THSD7A: variants seen among roughly 807,000 people sequenced by gnomAD.
The protein encoded by THSD7A is thrombospondin type 1 domain containing 7A, also known as thrombospondin type-1 domain-containing protein 7A.
In THSD7A, 96 loss-of-function variants were observed where a neutral mutation model predicts 231.3. The observed-to-expected ratio is 0.41, with a 90% CI of 0.35 to 0.49. THSD7A has a LOEUF of 0.49. Among genes scored for constraint, THSD7A ranks in the 20% least tolerant of loss-of-function variants. The pLI, the probability that THSD7A is intolerant of heterozygous loss-of-function variation, is 0.05. For missense variants in THSD7A, 2,290 were observed against 2,070.2 expected (o/e 1.11, Z -2.06); for synonymous variants, 940 against 743.3 (o/e 1.26, Z -4.30).
At chr7:11,738,731 G>C (rs755209274) in intron 1 of THSD7A, among the ~76,000 whole-genome samples, 88 of 152,080 alleles carry the variant, frequency 5.8e-4, no homozygotes, top group Admixed American at 1.6e-3. Context: ...TATGCCACTG[G>C]CCTTGAAGAT....
At chr7:11,791,036 G>C (rs1783936102) in intron 1 of THSD7A, among the ~76,000 whole-genome samples, 2 of 151,880 alleles carry the variant, frequency 1.3e-5, no homozygotes, top group Admixed American at 1.3e-4. Flanking sequence ...AGAAAGGTTG[G>C]AAGTCAAGCC....
intron 1 of THSD7A, among the ~76,000 whole-genome samples, chr7:11,656,620 C>A (rs1782718673): frequency 6.6e-6 from 1 of 151,804 alleles, no homozygotes; most frequent in Non-Finnish European, 1.5e-5. Flanking sequence ...AGAATTAGTA[C>A]CTACGGCTCA....
chr7:11,375,688 A>G lies in THSD7A; in HGVS notation c.*106T>C. 1.1e-6 allele frequency: 1 copy of G among 944,006 alleles called. No individual in the cohort carries two copies. The allele number at this position is 944,006 out of a possible 1,614,324, so 58.5% of individuals were successfully genotyped here. On this transcript the variant is annotated 3_prime_UTR_variant, in exon 28 of 28. Transcript: ENST00000423059. ...TGTCTTTATGATGCCATTTTTAAAA[A>G]TTAAAATATATTTTAATCCACACAG...
At chr7:11,651,098 A>G (rs951510324) in intron 1 of THSD7A, among the ~76,000 whole-genome samples, 5 of 152,052 alleles carry the variant, frequency 3.3e-5, no homozygotes, top group African/African-American at 1.2e-4. Flanking sequence ...ATACAATGGG[A>G]TATTATTTAG....
chr7:11,770,283 A>C (rs1244774084), intron 1 of THSD7A, among the ~76,000 whole-genome samples: 2 of 152,136 alleles, frequency 1.3e-5, no homozygotes, highest in Non-Finnish European at 2.9e-5. Context: ...CAGAAGCCAA[A>C]CCAAATATTT....
At chr7:11,607,855 C>T (rs2681053) in intron 2 of THSD7A, among the ~76,000 whole-genome samples, 68,914 of 151,830 alleles carry the variant, frequency 0.45, 16,115 homozygotes, top group East Asian at 0.56. Context: ...CATTGCCAAA[C>T]GGTGTCACCT....
intron 23 of THSD7A, among the ~76,000 whole-genome samples, chr7:11,391,886 A>G (rs1035314425): frequency 5.3e-5 from 8 of 152,148 alleles, no homozygotes; most frequent in Admixed American, 2.0e-4. Flanking sequence ...AGGTGAGGCA[A>G]TGCCCCACTT....
chr7:11,819,897 A>G (rs1296120733), intron 1 of THSD7A, among the ~76,000 whole-genome samples: 1 of 152,180 alleles, frequency 6.6e-6, no homozygotes, highest in Non-Finnish European at 1.5e-5. Context: ...ATAGTAGAAG[A>G]AAATAGTGGG....
intron 4 of THSD7A, among the ~76,000 whole-genome samples, chr7:11,569,417 A>G (rs537123164): frequency 5.9e-5 from 9 of 152,308 alleles, no homozygotes; most frequent in Non-Finnish European, 1.0e-4. Context: ...CAACAGATAC[A>G]TGAAAAAAAT....
At chr7:11,724,900 A>C (rs753294338) in intron 1 of THSD7A, among the ~76,000 whole-genome samples, 2 of 151,836 alleles carry the variant, frequency 1.3e-5, no homozygotes, top group African/African-American at 4.8e-5. Context: ...GTTTCTCCCA[A>C]ATCAAACCAG....
intron 2 of THSD7A, among the ~76,000 whole-genome samples, chr7:11,625,612 C>T (rs886323226): frequency 1.3e-5 from 2 of 151,440 alleles, no homozygotes; most frequent in Non-Finnish European, 2.9e-5. Flanking sequence ...TGAGTAGAGG[C>T]CTAAAAAGAA....
chr7:11,586,178 T>C (rs986504422), intron 4 of THSD7A, among the ~76,000 whole-genome samples: 6 of 152,214 alleles, frequency 3.9e-5, no homozygotes, highest in African/African-American at 1.4e-4. Context: ...AAAGTGTTCA[T>C]AGCCAAACTT....
intron 5 of THSD7A, 103 bp downstream of exon 5, chr7:11,542,859 G>A: frequency 1.5e-6 from 2 of 1,301,570 alleles, no homozygotes; most frequent in East Asian, 5.0e-5. Context: ...TAGCCATTCT[G>A]GAAAATACCA....
At chr7:11,650,374 C>A (rs967138923) in intron 1 of THSD7A, among the ~76,000 whole-genome samples, 8 of 152,038 alleles carry the variant, frequency 5.3e-5, no homozygotes, top group African/African-American at 1.7e-4. Context: ...GAGCACAATA[C>A]AATGTGTTTC....
At position 11,447,417 on chromosome 7, in the gene THSD7A, A is replaced by G; in HGVS notation, c.2613T>C (p.Thr871=). The stretch of plus-strand genomic sequence containing the variant: ...CCTGTCCTCCATCTTGCTTGCGACA[A>G]GTAATGGCTAAAAGAAAAGCATAAA... ...CGPGRQARAI[T]CRKQDGGQAG... Residue 871 remains threonine, a synonymous_variant, in exon 12 of 28, where the codon ACT becomes ACC. Coordinates refer to ENST00000423059, the MANE Select transcript of THSD7A (RefSeq NM_015204.3). 1 of 1,559,650 alleles carries G rather than the reference A, an allele frequency of 6.4e-7. No homozygotes were observed. The highest frequency in any genetic ancestry group is 8.6e-7 in the Non-Finnish European group (1 of 1,156,282).
At chr7:11,561,355 A>G (rs1416606022) in intron 4 of THSD7A, among the ~76,000 whole-genome samples, 2 of 152,202 alleles carry the variant, frequency 1.3e-5, no homozygotes, top group Admixed American at 6.5e-5. Flanking sequence ...TGGTCTATCA[A>G]TGAAAATTAT....
At chr7:11,751,044 C>T (rs1004363996) in intron 1 of THSD7A, 1 of 151,976 alleles carries the variant, frequency 6.6e-6, no homozygotes. Context: ...CAGGGGGATT[C>T]AGAACATGAC....
chr7:11,598,136 A>T (rs1780430172), intron 2 of THSD7A, among the ~76,000 whole-genome samples: 1 of 152,186 alleles, frequency 6.6e-6, no homozygotes, highest in African/African-American at 2.4e-5. Flanking sequence ...TGCACTTTGC[A>T]TGGGAGGAGA....
intron 4 of THSD7A, among the ~76,000 whole-genome samples, chr7:11,550,980 T>C (rs1484549466): frequency 2.0e-5 from 3 of 152,042 alleles, no homozygotes; most frequent in African/African-American, 7.2e-5. Context: ...AACAGCACGG[T>C]ACTGATTCAA....
Sources: allele counts gnomAD v4.1 joint callset (sites outside exome capture counted in the v4.1 genomes callset), GRCh38; gene constraint gnomAD v4.1.1; transcripts MANE v1.5; gene names NCBI Gene and HGNC (gene_info 2026-07-23, HGNC 2026-07-21).